The following PDE3B variants were observed in gnomAD, a reference collection of about 807,000 sequenced individuals.
The protein encoded by PDE3B is cGMP-inhibited 3',5'-cyclic phosphodiesterase 3B.
PDE3B carries 66 observed loss-of-function variants against 116.8 expected under a neutral mutation model. The observed-to-expected ratio is 0.56, with a 90% CI of 0.46 to 0.69. PDE3B has a LOEUF of 0.69. Ranked by LOEUF, PDE3B falls within the 30% of genes least tolerant of loss-of-function variation. PDE3B has a pLI of 0.00. For synonymous variants in PDE3B, 595 were observed against 533.6 expected, an observed-to-expected ratio of 1.12 and a Z score of -1.59; for missense variants, 1,384 against 1,368.1, an observed-to-expected ratio of 1.01 and a Z score of -0.18.
At chr11:14,683,836 A>G (rs184957649) in intron 1 of PDE3B, among the ~76,000 whole-genome samples, 82 of 152,306 alleles carry the variant, frequency 5.4e-4, no homozygotes, top group Non-Finnish European at 9.8e-4. Context: ...GCACTATGCT[A>G]GCTGTGTGCC....
At chr11:14,739,206 T>C (rs1054816604) in intron 1 of PDE3B, among the ~76,000 whole-genome samples, 2 of 152,230 alleles carry the variant, frequency 1.3e-5, no homozygotes, top group Non-Finnish European at 2.9e-5. Context: ...TATGGCCCTT[T>C]TCACAATATT....
chr11:14,735,922 C>A (rs986126168), intron 1 of PDE3B, among the ~76,000 whole-genome samples: 6 of 150,210 alleles, frequency 4.0e-5, no homozygotes, highest in African/African-American at 1.5e-4. Context: ...TATTTAGAGT[C>A]CTCACAAAAA....
intron 1 of PDE3B, among the ~76,000 whole-genome samples, chr11:14,652,000 A>G (rs970658184): frequency 6.6e-6 from 1 of 152,118 alleles, no homozygotes. Context: ...TTTGTTGCCT[A>G]TGATTTTGGT....
intron 1 of PDE3B, among the ~76,000 whole-genome samples, chr11:14,677,027 A>G (rs1468125140): frequency 1.3e-5 from 2 of 152,170 alleles, no homozygotes; most frequent in African/African-American, 4.8e-5. Flanking sequence ...GTAGATAACC[A>G]GTTGTTCCAG....
chr11:14,682,803 T>G (rs1384777843), intron 1 of PDE3B, among the ~76,000 whole-genome samples: 1 of 151,982 alleles, frequency 6.6e-6, no homozygotes, highest in Non-Finnish European at 1.5e-5. Context: ...TTTTAATACC[T>G]TTTTTGGTAT....
chr11:14,818,783 A>G (rs1003775917), intron 6 of PDE3B, among the ~76,000 whole-genome samples: 1 of 152,108 alleles, frequency 6.6e-6, no homozygotes, highest in Non-Finnish European at 1.5e-5. Context: ...GAGCTAAAAT[A>G]TAATGGTATT....
intron 1 of PDE3B, among the ~76,000 whole-genome samples, chr11:14,688,830 T>A (rs1172186036): frequency 1.3e-5 from 2 of 152,168 alleles, no homozygotes; most frequent in African/African-American, 2.4e-5. Context: ...TGCAGTGCAG[T>A]GGCATGATCT....
Position 14,818,280 on chromosome 11 carries a change from T to A in PDE3B, c.1620T>A (p.Thr540=). The A allele has an allele frequency of 6.2e-7, 1 of 1,613,338 alleles. No individual in the cohort carries two copies. ...TNRSPIEFPD[T]ADFLNKPSVI... ...GATCACCCATAGAATTTCCTGATAC[T>A]GCTGATTTTCTTAATAAGCCAAGCG... The change falls in exon 6 of 16, where the codon ACT becomes ACA. Residue 540 remains threonine, a synonymous_variant. Transcript: ENST00000282096.
intron 12 of PDE3B, among the ~76,000 whole-genome samples, chr11:14,848,107 G>T (rs1264480005): frequency 6.1e-5 from 8 of 132,226 alleles, no homozygotes; most frequent in African/African-American, 2.3e-4. Flanking sequence ...CTGGCAAACC[G>T]AATCCAGCAG....
Position 14,647,323 on chromosome 11 carries a change from CTG to C in PDE3B, c.978+2272_978+2273del, listed in dbSNP as rs1188001314. On this transcript the variant is annotated intron_variant, in intron 1 of 15. Transcript: ENST00000282096. The stretch of plus-strand genomic sequence containing the variant: ...AGAGGATTGAGGAGTCTTGGCTTAA[CTG>C]TTTAATTTTGGAAAAGTCTGTGAAC... Among the ~76,000 whole-genome samples the C allele has an allele frequency of 9.9e-5, 15 of 152,076 alleles. No individual in the cohort carries two copies. In the South Asian group the frequency reaches 3.1e-3, roughly 31 times the overall value.
In PDE3B at chr11:14,644,539, T is replaced by A. The variant is rs776115854; in HGVS notation, c.464T>A (p.Leu155Gln). 43 of 1,603,824 alleles carry A rather than the reference T, an allele frequency of 2.7e-5. No individual in the cohort carries two copies. Among genetic ancestry groups the A allele is most frequent in the Non-Finnish European group, 3.6e-5 (42 of 1,175,440 alleles). The part of the protein sequence containing the change: ...PGRSCGSWWL[L>Q]ALPACCYLGD... The stretch of plus-strand genomic sequence containing the variant: ...CGGAGCTGCGGCTCCTGGTGGCTGC[T>A]GGCGCTGCCCGCCTGCTGTTACCTG... Residue 155 changes from leucine (L) to glutamine (Q), a missense_variant, in exon 1 of 16, where the codon CTG becomes CAG. By Grantham distance (113) the Leu-to-Gln change is moderately radical. Transcript: ENST00000282096.
At chr11:14,831,810 A>T (rs766954976) in intron 9 of PDE3B, 33 bp downstream of exon 9, 4 of 1,527,126 alleles carry the variant, frequency 2.6e-6, no homozygotes, top group Non-Finnish European at 3.6e-6. Flanking sequence ...TTTAACTGTA[A>T]ATTAATTTTT....
intron 6 of PDE3B, 86 bp downstream of exon 6, chr11:14,818,479 T>C (rs927922191): frequency 1.2e-6 from 1 of 834,574 alleles, no homozygotes; most frequent in African/African-American, 1.7e-5. Context: ...TCTTGGAAAC[T>C]CCAGCTTTAA....
At chr11:14,857,271 T>G (rs1555006333) in intron 12 of PDE3B, among the ~76,000 whole-genome samples, 1 of 152,224 alleles carries the variant, frequency 6.6e-6, no homozygotes. Context: ...GGACCCTGTC[T>G]TTTTTCTCTG....
At chr11:14,874,119 T>TA (rs562727238), downstream of PDE3B, among the ~76,000 whole-genome samples, 18 of 152,312 alleles carry the variant, frequency 1.2e-4, no homozygotes, top group South Asian at 3.5e-3. Context: ...CCTTATGAAT[T>TA]ATAGTATTTA....
intron 7 of PDE3B, among the ~76,000 whole-genome samples, chr11:14,829,866 AAC>A (rs1452515246): frequency 2.0e-5 from 3 of 152,136 alleles, no homozygotes; most frequent in Non-Finnish European, 4.4e-5. Context: ...TTAAAAAAGA[AAC>A]AAAATATTAC....
At chr11:14,825,044 A>AG (rs377436357) in intron 7 of PDE3B, among the ~76,000 whole-genome samples, 114 of 152,336 alleles carry the variant, frequency 7.5e-4, no homozygotes, top group African/African-American at 2.6e-3. Flanking sequence ...TCCTCAGTGA[A>AG]GGAGAAATAA....
At chr11:14,778,022 T>C (rs1463038163) in intron 2 of PDE3B, among the ~76,000 whole-genome samples, 1 of 152,226 alleles carries the variant, frequency 6.6e-6, no homozygotes, top group African/African-American at 2.4e-5. Context: ...GATTATGTCC[T>C]GTGCCTGGCT....
At position 14,830,748 on chromosome 11, in the gene PDE3B, C is replaced by A; in HGVS notation, c.1858C>A (p.Gln620Lys). The change falls in exon 8 of 16, where the codon CAA (glutamine) becomes AAA (lysine). Residue 620 changes from glutamine (Q) to lysine (K), a missense_variant. Coordinates refer to ENST00000282096, the MANE Select transcript of PDE3B (RefSeq NM_000922.4). ...SKESFKLMET[Q>K]QEEETEKKDS... ...AGAATCATTCAAACTTATGGAAACT[C>A]AACAAGAAGAGGAAACAGAGAAGAA... 6.6e-7 allele frequency: 1 copy of A among 1,507,906 alleles called. No homozygotes were observed. The highest frequency in any genetic ancestry group is 1.4e-5 in the South Asian group (1 of 73,616). The allele number at this position is 1,507,906 out of a possible 1,614,324, so 93.4% of individuals were successfully genotyped here.
Sources: allele counts gnomAD v4.1 joint callset (sites outside exome capture counted in the v4.1 genomes callset), GRCh38; gene constraint gnomAD v4.1.1; transcripts MANE v1.5; gene names NCBI Gene and HGNC (gene_info 2026-07-23, HGNC 2026-07-21).